Variants in NMNAT2 observed in about 807,000 individuals in gnomAD.
The protein encoded by NMNAT2 is nicotinamide/nicotinic acid mononucleotide adenylyltransferase 2.
Under a neutral mutation model 41.6 loss-of-function variants are expected in NMNAT2, and 11 were observed. The ratio of observed to expected loss-of-function variants is 0.26; its 90% CI spans 0.17 to 0.44. The LOEUF is 0.44. NMNAT2 is among the 20% of genes least tolerant of loss of function. The pLI is 1.00. For synonymous variants in NMNAT2, 148 were observed against 151.2 expected (o/e 0.98, Z 0.16); for missense variants, 288 against 407.7 (o/e 0.71, Z 2.53).
chr1:183,400,685 G>A (rs910382529), intron 1 of NMNAT2, among the ~76,000 whole-genome samples: 4 of 152,062 alleles, frequency 2.6e-5, no homozygotes, highest in African/African-American at 7.2e-5. Context: ...TACAGTAACC[G>A]AAACAACATG....
At chr1:183,328,873 C>T (rs12130199) in intron 1 of NMNAT2, among the ~76,000 whole-genome samples, 68,196 of 152,070 alleles carry the variant, frequency 0.45, 16,301 homozygotes, top group East Asian at 0.78. Flanking sequence ...ATCCTTCCCC[C>T]GGTATTTGGA....
At chr1:183,416,944 T>C (rs1386591698) in intron 1 of NMNAT2, among the ~76,000 whole-genome samples, 1 of 152,132 alleles carries the variant, frequency 6.6e-6, no homozygotes. Context: ...CACCGCCGCC[T>C]CTGGAGAGCG....
chr1:183,313,390 T>C (rs1318018283), intron 1 of NMNAT2, among the ~76,000 whole-genome samples: 1 of 152,164 alleles, frequency 6.6e-6, no homozygotes, highest in Non-Finnish European at 1.5e-5. Flanking sequence ...GATAACTGGG[T>C]ATTTGGTTAG....
At chr1:183,404,836 A>G (rs1049039858) in intron 1 of NMNAT2, among the ~76,000 whole-genome samples, 1 of 152,186 alleles carries the variant, frequency 6.6e-6, no homozygotes, top group African/African-American at 2.4e-5. Flanking sequence ...TGCAACCCAA[A>G]TGGTCAAGCA....
chr1:183,361,308 T>C (rs929155792), intron 1 of NMNAT2, among the ~76,000 whole-genome samples: 7 of 152,204 alleles, frequency 4.6e-5, no homozygotes, highest in Non-Finnish European at 8.8e-5. Context: ...GACTTGTTCT[T>C]GACTCTCCAG....
intron 1 of NMNAT2, among the ~76,000 whole-genome samples, chr1:183,394,972 G>A (rs1330946386): frequency 6.6e-6 from 1 of 152,152 alleles, no homozygotes; most frequent in Non-Finnish European, 1.5e-5. Context: ...ATCCCCGGAT[G>A]GCAGTTACCC....
chr1:183,371,496 C>T (rs1663542263), intron 1 of NMNAT2, among the ~76,000 whole-genome samples: 1 of 152,194 alleles, frequency 6.6e-6, no homozygotes, highest in Non-Finnish European at 1.5e-5. Context: ...GCCGCTCCAT[C>T]AGCTGTAATT....
At chr1:183,378,302 G>C (rs1663721865) in intron 1 of NMNAT2, among the ~76,000 whole-genome samples, 1 of 151,916 alleles carries the variant, frequency 6.6e-6, no homozygotes, top group Admixed American at 6.6e-5. Context: ...GCTGAGGTAG[G>C]ATAATCGCTT....
chr1:183,258,856 T>C (rs192320986), intron 10 of NMNAT2, among the ~76,000 whole-genome samples: 1 of 152,278 alleles, frequency 6.6e-6, no homozygotes, highest in African/African-American at 2.4e-5. Flanking sequence ...CTCTGACCAA[T>C]CCGCACTCCT....
intron 1 of NMNAT2, among the ~76,000 whole-genome samples, chr1:183,416,593 T>G (rs1182453026): frequency 1.3e-5 from 2 of 152,200 alleles, no homozygotes; most frequent in African/African-American, 4.8e-5. Flanking sequence ...ACAGGCAAGT[T>G]GGCATTGGTT....
intron 1 of NMNAT2, among the ~76,000 whole-genome samples, chr1:183,357,251 A>C: frequency 9.7e-6 from 1 of 103,132 alleles, no homozygotes; most frequent in Admixed American, 1.4e-4. Flanking sequence ...TTTTTTTGAG[A>C]GGAAGTCTCG....
chr1:183,289,725 C>T (rs547505159), intron 4 of NMNAT2, among the ~76,000 whole-genome samples: 2 of 152,282 alleles, frequency 1.3e-5, no homozygotes, highest in African/African-American at 4.8e-5. Context: ...GCTGCTTGTA[C>T]CTCCCCTAAG....
chr1:183,305,861 C>T (rs1289191359), intron 1 of NMNAT2, among the ~76,000 whole-genome samples: 1 of 152,022 alleles, frequency 6.6e-6, no homozygotes, highest in Admixed American at 6.6e-5. Flanking sequence ...GCTGGGATTA[C>T]AGGCTTGCGC....
chr1:183,341,698 G>C (rs1456353988), intron 1 of NMNAT2, among the ~76,000 whole-genome samples: 1 of 46,250 alleles, frequency 2.2e-5, no homozygotes, highest in African/African-American at 8.6e-5. Flanking sequence ...GAGAGAGAGA[G>C]AGAGGAAAAG....
chr1:183,288,135 T>C (rs2102305458), intron 4 of NMNAT2, among the ~76,000 whole-genome samples: 1 of 152,358 alleles, frequency 6.6e-6, no homozygotes, highest in South Asian at 2.1e-4. Flanking sequence ...GCCTGGTAGC[T>C]GAGGAGCTTC....
At chr1:183,397,725 T>C (rs1648690070) in intron 1 of NMNAT2, among the ~76,000 whole-genome samples, 1 of 152,168 alleles carries the variant, frequency 6.6e-6, no homozygotes, top group Admixed American at 6.5e-5. Flanking sequence ...GCAGAAACTC[T>C]ACAAGCCAGA....
intron 1 of NMNAT2, among the ~76,000 whole-genome samples, chr1:183,320,287 T>C (rs1662332261): frequency 6.6e-6 from 1 of 152,196 alleles, no homozygotes; most frequent in African/African-American, 2.4e-5. Context: ...CTTTTGGTAT[T>C]CTTTGAGAGA....
chr1:183,256,189 C>T (rs373720192), intron 10 of NMNAT2, among the ~76,000 whole-genome samples: 24 of 152,070 alleles, frequency 1.6e-4, no homozygotes, highest in East Asian at 9.7e-4. Context: ...AGGCAGATCA[C>T]GAGGTCAGGC....
At position 183,394,456 on chromosome 1, in the gene NMNAT2, A is replaced by G. The variant is rs947534535; in HGVS notation, c.85+23727T>C. On this transcript the variant is annotated intron_variant, in intron 1 of 10. Transcript: ENST00000287713. Reference sequence around the variant, plus strand: ...TCGAAAGTATCCAATAAGCAAATTAATGACTTCTTTTCCAACTGCAAATTT... The same window carrying G: ...TCGAAAGTATCCAATAAGCAAATTAGTGACTTCTTTTCCAACTGCAAATTT... Among the ~76,000 whole-genome samples the G allele has an allele frequency of 2.0e-5, 3 of 152,234 alleles. No individual in the cohort carries two copies. The East Asian group carries it at 5.8e-4, about 29-fold the overall frequency.
Sources: gnomAD v4.1 joint callset for allele counts (sites outside exome capture counted in the v4.1 genomes callset) on GRCh38, gnomAD v4.1.1 for gene constraint, MANE v1.5 for transcripts, NCBI Gene and HGNC (gene_info 2026-07-23, HGNC 2026-07-21) for gene names.